The following LHFPL3 variants were observed in gnomAD, a reference collection of about 807,000 sequenced individuals.
LHFPL3 encodes LHFPL tetraspan subfamily member 3 protein.
Under a neutral mutation model 19.3 loss-of-function variants are expected in LHFPL3, and 5 were observed. That is an observed-to-expected ratio of 0.26 (90% CI 0.14 to 0.54). The LOEUF is 0.54. LHFPL3 is among the 20% of genes least tolerant of loss of function. The probability of loss-of-function intolerance (pLI) is 0.94; values close to 1 mark genes in which losing one functional copy is unlikely to be tolerated. For synonymous variants in LHFPL3, 133 were observed against 126.2 expected (o/e 1.05, Z -0.36); for missense variants, 249 against 307.4 (o/e 0.81, Z 1.42).
At chr7:104,899,942 C>T (rs1584606314) in intron 2 of LHFPL3, among the ~76,000 whole-genome samples, 4 of 152,240 alleles carry the variant, frequency 2.6e-5, no homozygotes, top group Admixed American at 2.0e-4. Flanking sequence ...ATGTTGGACA[C>T]GCTGGTTTCG....
At chr7:104,799,528 T>G (rs1034993085) in intron 2 of LHFPL3, 1 of 152,406 alleles carries the variant, frequency 6.6e-6, no homozygotes, top group Non-Finnish European at 1.5e-5. Context: ...CTAAGTCCTC[T>G]CCTAACAATC....
intron 1 of LHFPL3, among the ~76,000 whole-genome samples, chr7:104,447,414 G>A (rs899495441): frequency 6.6e-6 from 1 of 152,128 alleles, no homozygotes; most frequent in Non-Finnish European, 1.5e-5. Flanking sequence ...ATTAATGGAT[G>A]CAAACTATTG....
At chr7:104,483,382 T>C (rs953531724) in intron 1 of LHFPL3, among the ~76,000 whole-genome samples, 4 of 152,252 alleles carry the variant, frequency 2.6e-5, no homozygotes, top group African/African-American at 9.6e-5. Flanking sequence ...ATAAATTTTA[T>C]GTTCAGTTGT....
chr7:104,575,617 AATGG>A (rs1205571193), intron 1 of LHFPL3, among the ~76,000 whole-genome samples: 1 of 148,564 alleles, frequency 6.7e-6, no homozygotes, highest in Non-Finnish European at 1.5e-5. Flanking sequence ...AGAGAGTCCC[AATGG>A]TGGGCTTCTT....
intron 1 of LHFPL3, among the ~76,000 whole-genome samples, chr7:104,560,853 A>C (rs1426191820): frequency 6.7e-6 from 1 of 149,762 alleles, no homozygotes; most frequent in Non-Finnish European, 1.5e-5. Context: ...ATTGCTTTGA[A>C]TGCGTCCCAG....
intron 2 of LHFPL3, among the ~76,000 whole-genome samples, chr7:104,869,241 A>G (rs1394183596): frequency 2.6e-5 from 4 of 152,126 alleles, no homozygotes; most frequent in Non-Finnish European, 5.9e-5. Context: ...TGACAAATGG[A>G]ATCTAATTAA....
intron 1 of LHFPL3, among the ~76,000 whole-genome samples, chr7:104,448,053 C>T (rs1792365085): frequency 6.6e-6 from 1 of 151,956 alleles, no homozygotes; most frequent in African/African-American, 2.4e-5. Context: ...TCTAGACTTT[C>T]CAAAAGTTTA....
chr7:104,887,397 A>C (rs1008927643), intron 2 of LHFPL3, among the ~76,000 whole-genome samples: 4 of 152,218 alleles, frequency 2.6e-5, no homozygotes, highest in Admixed American at 2.6e-4. Flanking sequence ...TGGTCAATAA[A>C]GGGAGTATTA....
chr7:104,673,554 C>T (rs887202767), intron 1 of LHFPL3, among the ~76,000 whole-genome samples: 1 of 152,190 alleles, frequency 6.6e-6, no homozygotes, highest in Non-Finnish European at 1.5e-5. Context: ...AAATGTGATG[C>T]TTTCTGATAT....
intron 1 of LHFPL3, among the ~76,000 whole-genome samples, chr7:104,731,520 T>C (rs2116282635): frequency 6.6e-6 from 1 of 152,296 alleles, no homozygotes; most frequent in South Asian, 2.1e-4. Context: ...TTCGGCTCTA[T>C]GTTTGTCTGT....
intron 1 of LHFPL3, among the ~76,000 whole-genome samples, chr7:104,519,004 C>T (rs1793989501): frequency 6.6e-6 from 1 of 152,052 alleles, no homozygotes; most frequent in Non-Finnish European, 1.5e-5. Context: ...AAAATACACA[C>T]ATTTTTGCTT....
intron 1 of LHFPL3, chr7:104,669,009 G>C: frequency 6.2e-7 from 1 of 1,612,146 alleles, no homozygotes; most frequent in East Asian, 2.2e-5. Context: ...CAGGAAGTGA[G>C]TCATCACAGA....
chr7:104,337,247 G>A (rs1374684591), intron 1 of LHFPL3, among the ~76,000 whole-genome samples: 1 of 152,100 alleles, frequency 6.6e-6, no homozygotes, highest in Non-Finnish European at 1.5e-5. Context: ...CAGGTATATG[G>A]AACAGTGACA....
intron 2 of LHFPL3, among the ~76,000 whole-genome samples, chr7:104,778,643 G>A (rs566164066): frequency 6.6e-6 from 1 of 152,280 alleles, no homozygotes; most frequent in East Asian, 1.9e-4. Flanking sequence ...CTCCTACTTA[G>A]GGCTCACTTT....
At chr7:104,825,632 T>C (rs929311289) in intron 2 of LHFPL3, among the ~76,000 whole-genome samples, 15 of 151,912 alleles carry the variant, frequency 9.9e-5, no homozygotes, top group Admixed American at 6.6e-5. Flanking sequence ...TTGATTTTCC[T>C]TCAAATAGTA....
intron 1 of LHFPL3, among the ~76,000 whole-genome samples, chr7:104,735,148 A>T (rs914881349): frequency 6.6e-6 from 1 of 152,230 alleles, no homozygotes; most frequent in Non-Finnish European, 1.5e-5. Context: ...CCTCCCAGAT[A>T]GGCTACTCAG....
rs1333817379 is a variant in LHFPL3, at chr7:104,499,970, A to G, written c.445+170746A>G. Among the ~76,000 whole-genome samples, 4 of 152,246 alleles carry G rather than the reference A, an allele frequency of 2.6e-5. No homozygotes were observed. In the South Asian group the frequency reaches 8.3e-4, roughly 31 times the overall value. ...CAATTTTTGTTTTTCCAAATGCAGT[A>G]AATGTATTATTCTTTAACGTAAGAC... On this transcript the variant is annotated intron_variant, in intron 1 of 2. Transcript: ENST00000424859.
At chr7:104,481,238 T>G (rs1037580910) in intron 1 of LHFPL3, among the ~76,000 whole-genome samples, 1 of 152,186 alleles carries the variant, frequency 6.6e-6, no homozygotes, top group Non-Finnish European at 1.5e-5. Context: ...AATGAGTTCT[T>G]CTCTGCCTCC....
chr7:104,639,538 T>C (rs1791790761), intron 1 of LHFPL3, among the ~76,000 whole-genome samples: 1 of 152,242 alleles, frequency 6.6e-6, no homozygotes, highest in Non-Finnish European at 1.5e-5. Flanking sequence ...ATTATAAGAC[T>C]GTTAGCACTA....
Sources: allele counts gnomAD v4.1 joint callset (sites outside exome capture counted in the v4.1 genomes callset), GRCh38; gene constraint gnomAD v4.1.1; transcripts MANE v1.5; gene names NCBI Gene and HGNC (gene_info 2026-07-23, HGNC 2026-07-21).